Variants in GPR15LG observed in about 807,000 individuals in gnomAD.
The protein encoded by GPR15LG is protein GPR15LG.
the GPR15LG span, among the ~76,000 whole-genome samples, chr10:84,175,050 T>A: frequency 7.2e-5 from 11 of 152,216 alleles, no homozygotes; most frequent in Non-Finnish European, 1.5e-4. Context: ...ATGTTCAAGG[T>A]TATATCTTTT....
the GPR15LG span, among the ~76,000 whole-genome samples, chr10:84,179,877 CT>C: frequency 2.4e-3 from 316 of 132,228 alleles, no homozygotes; most frequent in Non-Finnish European, 2.9e-3. Context: ...TTTAAAAAGG[CT>C]TTTTTTTTTT....
At chr10:84,179,451 T>C in the GPR15LG span, among the ~76,000 whole-genome samples, 1 of 152,190 alleles carries the variant, frequency 6.6e-6, no homozygotes, top group African/African-American at 2.4e-5. Context: ...TCTTATGGAC[T>C]GATGCTGGGA....
chr10:84,180,823 G>A, the GPR15LG span, among the ~76,000 whole-genome samples: 2 of 151,924 alleles, frequency 1.3e-5, no homozygotes, highest in Non-Finnish European at 2.9e-5. Context: ...ACGAGACTCC[G>A]TCTGCAATCC....
chr10:84,178,330 C>T, the GPR15LG span, among the ~76,000 whole-genome samples: 1 of 151,470 alleles, frequency 6.6e-6, no homozygotes, highest in Non-Finnish European at 1.5e-5. Context: ...ACACTACACA[C>T]AATCATACAC....
the GPR15LG span, chr10:84,184,677 C>A: frequency 6.2e-7 from 1 of 1,614,070 alleles, no homozygotes; most frequent in Middle Eastern, 1.6e-4. Flanking sequence ...ATTGCTCCTC[C>A]CAGGACATCA....
chr10:84,182,084 A>G, the GPR15LG span, among the ~76,000 whole-genome samples: 1 of 152,184 alleles, frequency 6.6e-6, no homozygotes, highest in Non-Finnish European at 1.5e-5. Context: ...GCACAGAGAG[A>G]TTCCTCCCTC....
At chr10:84,176,170 G>C in the GPR15LG span, among the ~76,000 whole-genome samples, 2 of 152,196 alleles carry the variant, frequency 1.3e-5, no homozygotes, top group African/African-American at 4.8e-5. Context: ...TTACAGGCAT[G>C]AGCCACCACA....
chr10:84,183,654 AT>A, the GPR15LG span, among the ~76,000 whole-genome samples: 14 of 144,590 alleles, frequency 9.7e-5, no homozygotes, highest in South Asian at 2.1e-4. Flanking sequence ...TTTATTATTT[AT>A]TTTTTTTTTG....
At chr10:84,183,027 A>G in the GPR15LG span, among the ~76,000 whole-genome samples, 1 of 121,664 alleles carries the variant, frequency 8.2e-6, no homozygotes, top group South Asian at 2.7e-4. Context: ...TACCAATAGA[A>G]AAAAAAAAAC....
chr10:84,173,956 G>A, the GPR15LG span: 1 of 1,490,550 alleles, frequency 6.7e-7, no homozygotes, highest in Non-Finnish European at 9.4e-7. Flanking sequence ...TCCCTGAGCA[G>A]GATTTCAGCA....
chr10:84,179,100 C>T, the GPR15LG span, among the ~76,000 whole-genome samples: 1 of 152,178 alleles, frequency 6.6e-6, no homozygotes, highest in Admixed American at 6.5e-5. Context: ...GGCTGACTTC[C>T]CAGAAGGAAA....
chr10:84,180,408 G>T, the GPR15LG span, among the ~76,000 whole-genome samples: 1 of 151,092 alleles, frequency 6.6e-6, no homozygotes, highest in South Asian at 2.1e-4. Context: ...CCTCCCAGAC[G>T]GGGTGGCGGC....
chr10:84,174,570 T>C, the GPR15LG span, among the ~76,000 whole-genome samples: 2 of 146,112 alleles, frequency 1.4e-5, no homozygotes, highest in Admixed American at 1.4e-4. Flanking sequence ...CTCAGCTCAC[T>C]GCAATCTCCG....
At chr10:84,173,837 A>G in the GPR15LG span, 4 of 1,604,210 alleles carry the variant, frequency 2.5e-6, no homozygotes, top group Non-Finnish European at 3.4e-6. Flanking sequence ...GGACGTGAAA[A>G]TCTGCCTTCT....
the GPR15LG span, among the ~76,000 whole-genome samples, chr10:84,184,370 A>T: frequency 6.6e-6 from 1 of 152,122 alleles, no homozygotes; most frequent in African/African-American, 2.4e-5. Context: ...GTCATTAGAA[A>T]CAGGCCTCCC....
chr10:84,174,770 G>A, the GPR15LG span, among the ~76,000 whole-genome samples: 11 of 152,166 alleles, frequency 7.2e-5, no homozygotes, highest in East Asian at 1.9e-3. Flanking sequence ...GATTACAGGC[G>A]TGAGCCACCA....
the GPR15LG span, among the ~76,000 whole-genome samples, chr10:84,180,469 C>T: frequency 1.1e-3 from 163 of 150,650 alleles, 1 homozygote; most frequent in Middle Eastern, 0.01. Context: ...CGGGCAGAGG[C>T]GCTCTTCACA....
At chr10:84,178,614 A>G in the GPR15LG span, among the ~76,000 whole-genome samples, 2 of 152,056 alleles carry the variant, frequency 1.3e-5, no homozygotes, top group East Asian at 3.9e-4. Context: ...CCTATGCTAC[A>G]CACAGCACAC....
At chr10:84,184,977 C>A in the GPR15LG span, 2 of 1,403,808 alleles carry the variant, frequency 1.4e-6, no homozygotes, top group Non-Finnish European at 1.8e-6. Flanking sequence ...CATGAGCCAA[C>A]CTCACCCCAC....
Sources: allele counts gnomAD v4.1 joint callset (sites outside exome capture counted in the v4.1 genomes callset), GRCh38; gene constraint gnomAD v4.1.1; transcripts MANE v1.5; gene names NCBI Gene and HGNC (gene_info 2026-07-23, HGNC 2026-07-21).